Variants in MDM4 observed in about 807,000 individuals in gnomAD.
MDM4 encodes MDM4 regulator of p53.
A neutral mutation model predicts 60.2 loss-of-function variants in MDM4; 2 were observed. The ratio of observed to expected loss-of-function variants is 0.03; its 90% CI spans 0.01 to 0.10. The LOEUF is 0.10. Ranked by LOEUF, MDM4 falls within the 10% of genes least tolerant of loss-of-function variation. MDM4 has a pLI of 1.00. For synonymous variants in MDM4, 202 were observed against 198.1 expected (o/e 1.02, Z -0.17); for missense variants, 447 against 577.5 (o/e 0.77, Z 2.32).
At chr1:204,540,201 C>T (rs1217554349) in intron 7 of MDM4, among the ~76,000 whole-genome samples, 9 of 151,514 alleles carry the variant, frequency 5.9e-5, no homozygotes, top group Non-Finnish European at 8.8e-5. Context: ...AGGAGAATTG[C>T]GTGAACCCAG....
intron 7 of MDM4, among the ~76,000 whole-genome samples, chr1:204,540,103 A>C (rs1661885350): frequency 6.6e-6 from 1 of 151,318 alleles, no homozygotes; most frequent in Non-Finnish European, 1.5e-5. Flanking sequence ...AACACGGTGA[A>C]ATCCTGTCTC....
At chr1:204,524,374 C>G (rs944743169) in intron 1 of MDM4, among the ~76,000 whole-genome samples, 1 of 152,338 alleles carries the variant, frequency 6.6e-6, no homozygotes, top group African/African-American at 2.4e-5. Context: ...CTGGCCTATT[C>G]TAGTCGCCAT....
In MDM4 at chr1:204,555,987, C is replaced by T. The variant is rs569854098; in HGVS notation, c.*6305C>T. The T allele has an allele frequency of 1.2e-4, 26 of 210,048 alleles. No individual in the cohort carries two copies. The South Asian group carries it at 3.2e-3, about 26-fold the overall frequency. 13.0% of individuals were successfully genotyped at this position (210,048 alleles called of 1,614,324 possible). A position where few individuals can be genotyped will look rare whatever the true frequency, so the allele number is the denominator to read the frequency against. ...AGACAAATATTTCTGATCAGATAGT[C>T]CCCTGTCAACAGTAGCAAATGTGGT... On this transcript the variant is annotated 3_prime_UTR_variant, in exon 11 of 11. Coordinates refer to ENST00000367182, the MANE Select transcript of MDM4 (RefSeq NM_002393.5).
intron 3 of MDM4, chr1:204,529,410 G>T: frequency 7.8e-7 from 1 of 1,280,218 alleles, no homozygotes; most frequent in South Asian, 1.2e-5. Context: ...GTAGGAATTT[G>T]GAGGTGGCTG....
rs139583050 is a variant in MDM4, at chr1:204,534,390, T to C, written c.343+2144T>C. On this transcript the variant is annotated intron_variant, in intron 5 of 10. Coordinates refer to ENST00000367182, the MANE Select transcript of MDM4 (RefSeq NM_002393.5). ...TCATTAAAATTTGTTTTTGGATTGA[T>C]CTGTTTTCTGAATATCTATAATTCT... Among the ~76,000 whole-genome samples, 1,109 of 152,340 alleles carry C rather than the reference T, an allele frequency of 7.3e-3. 8 individuals are homozygous for C. The highest frequency in any genetic ancestry group is 0.017 in the Middle Eastern group (5 of 294).
rs1023890014 is a variant in MDM4, at chr1:204,526,257, A to C, written c.79-103A>C. The C allele has an allele frequency of 8.7e-6, 9 of 1,035,766 alleles. No individual in the cohort carries two copies. The African/African-American group carries it at 1.4e-4, about 17-fold the overall frequency. 64.2% of individuals were successfully genotyped at this position (1,035,766 alleles called of 1,614,324 possible). A position where few individuals can be genotyped will look rare whatever the true frequency, so the allele number is the denominator to read the frequency against. ...GGCGACAGAGCAAGACCTTGCCTCA[A>C]AAAACAAAAGCGGGGGGAGCTGTTT... On this transcript the variant is annotated intron_variant, in intron 2 of 10. Transcript: ENST00000367182.
intron 4 of MDM4, among the ~76,000 whole-genome samples, chr1:204,531,487 C>T (rs1033634029): frequency 2.0e-5 from 3 of 152,196 alleles, no homozygotes; most frequent in African/African-American, 7.2e-5. Flanking sequence ...AGCTCTCTTT[C>T]TCTATAGCTT....
intron 1 of MDM4, 32 bp downstream of exon 1, chr1:204,516,541 C>G (rs1353309378): frequency 6.6e-6 from 1 of 152,288 alleles, no homozygotes; most frequent in Non-Finnish European, 1.5e-5. Context: ...GGCGGGGTGC[C>G]GGGAGCGGGA....
intron 8 of MDM4, among the ~76,000 whole-genome samples, chr1:204,543,984 A>G (rs912516375): frequency 1.3e-5 from 2 of 152,230 alleles, no homozygotes; most frequent in African/African-American, 2.4e-5. Flanking sequence ...GCAAAATAAT[A>G]AATTGTCTCT....
chr1:204,523,779 T>C (rs1243458473), intron 1 of MDM4, among the ~76,000 whole-genome samples: 1 of 152,150 alleles, frequency 6.6e-6, no homozygotes, highest in Non-Finnish European at 1.5e-5. Context: ...GCAATTTTAC[T>C]TCTATGGAAG....
At position 204,550,184 on chromosome 1, in the gene MDM4, C is replaced by T. The variant is rs947236985; in HGVS notation, c.*502C>T. 12 of 216,832 alleles carry T rather than the reference C, an allele frequency of 5.5e-5. No individual in the cohort carries two copies. The highest frequency in any genetic ancestry group is 3.2e-4 in the East Asian group (5 of 15,728). The allele number at this position is 216,832 out of a possible 1,614,324, so 13.4% of individuals were successfully genotyped here. On this transcript the variant is annotated 3_prime_UTR_variant, in exon 11 of 11. Coordinates refer to ENST00000367182, the MANE Select transcript of MDM4 (RefSeq NM_002393.5). ...CCGGGGGTATAGGGGAGGTGTGGGG[C>T]GACAGGGTCTGTCTTGTTCTGTCTC...
At chr1:204,527,890 T>C (rs1660379330) in intron 3 of MDM4, among the ~76,000 whole-genome samples, 1 of 151,636 alleles carries the variant, frequency 6.6e-6, no homozygotes. Flanking sequence ...ACTTAAAACC[T>C]TCACACCTAT....
chr1:204,536,685 T>G (rs1572493726), intron 5 of MDM4, among the ~76,000 whole-genome samples: 2 of 152,364 alleles, frequency 1.3e-5, no homozygotes, highest in East Asian at 3.9e-4. Context: ...AAAAATTTCT[T>G]TGTAAGTCCT....
rs41304247 is a variant in MDM4 at position 204,549,337 on chromosome 1, G to A, written c.1128G>A (p.Ala376=). Reference sequence around the variant, plus strand: ...CTCCTGTCGTTAGACCTAAAGATGCGTATATAAAGAAAGAAAACTCCAAAC... The same window carrying A: ...CTCCTGTCGTTAGACCTAAAGATGCATATATAAAGAAAGAAAACTCCAAAC... ...ISAPVVRPKD[A]YIKKENSKLF... is the part of the protein sequence containing the mutation. The change falls in exon 11 of 11, where the codon GCG becomes GCA. Residue 376 remains alanine, a synonymous_variant. Coordinates refer to ENST00000367182, the MANE Select transcript of MDM4 (RefSeq NM_002393.5). The A allele has an allele frequency of 2.1e-3, 3,437 of 1,614,092 alleles. 4 individuals carry two copies. The highest frequency in any genetic ancestry group is 2.8e-3 in the Non-Finnish European group (3,276 of 1,179,964).
chr1:204,538,418 A>C (rs1174511866), intron 7 of MDM4, 110 bp downstream of exon 7: 6 of 667,328 alleles, frequency 9.0e-6, no homozygotes, highest in South Asian at 1.8e-5. Context: ...ACAATTTCTC[A>C]TCCTTTTCTG....
In MDM4 at chr1:204,549,311, G is replaced by A. The variant is rs1288732549; in HGVS notation, c.1102G>A (p.Ala368Thr). ...CCCTGATTGTCGAAGAACCATTTCG[G>A]CTCCTGTCGTTAGACCTAAAGATGC... The part of the protein sequence containing the change: ...DVPDCRRTIS[A>T]PVVRPKDAYI... Residue 368 changes from alanine to threonine, a missense_variant, in exon 11 of 11, where the codon GCT becomes ACT. Ala to Thr is a moderately conservative substitution (Grantham distance 58). Around this residue, in one of 8 missense-constraint regions of MDM4, gnomAD observed 117 missense variants for 114.5 expected, o/e 1.02. Coordinates refer to ENST00000367182, the MANE Select transcript of MDM4 (RefSeq NM_002393.5). 1.2e-6 allele frequency: 2 copies of A among 1,614,128 alleles called. No individual in the cohort carries two copies. Among genetic ancestry groups the A allele is most frequent in the Non-Finnish European group, 1.7e-6 (2 of 1,180,000 alleles).
chr1:204,517,093 A>G (rs1406202975), intron 1 of MDM4, among the ~76,000 whole-genome samples: 1 of 151,886 alleles, frequency 6.6e-6, no homozygotes, highest in Non-Finnish European at 1.5e-5. Context: ...ATACAAAAAT[A>G]TTAGATGTGT....
rs913859101 is a variant in MDM4 at position 204,553,483 on chromosome 1, G to C, written c.*3801G>C. 1 of 226,218 alleles carries C rather than the reference G, an allele frequency of 4.4e-6. No homozygotes were observed. Among genetic ancestry groups the C allele is most frequent in the Non-Finnish European group, 8.8e-6 (1 of 113,612 alleles). The allele number at this position is 226,218 out of a possible 1,614,324, so 14.0% of individuals were successfully genotyped here. ...GGATGTTAAATTATATGGTCACCTA[G>C]TTATAGGTAAGCCTTGTTCGAGTTG... On this transcript the variant is annotated 3_prime_UTR_variant, in exon 11 of 11. Transcript: ENST00000367182.
At chr1:204,523,028 A>C (rs1659726747) in intron 1 of MDM4, among the ~76,000 whole-genome samples, 1 of 151,646 alleles carries the variant, frequency 6.6e-6, no homozygotes, top group African/African-American at 2.4e-5. Flanking sequence ...ACGCTCGCCT[A>C]ATTTTTGGAG....
Sources: allele counts gnomAD v4.1 joint callset (sites outside exome capture counted in the v4.1 genomes callset), GRCh38; gene constraint gnomAD v4.1.1; regional missense constraint gnomAD v4.1.1; transcripts MANE v1.5; gene names NCBI Gene and HGNC (gene_info 2026-07-23, HGNC 2026-07-21).